Variants in IGSF21 observed in about 807,000 individuals in gnomAD.
IGSF21 encodes immunoglobulin superfamily member 21.
In IGSF21, 28 loss-of-function variants were observed where a neutral mutation model predicts 46.8. The ratio of observed to expected loss-of-function variants is 0.60; its 90% CI spans 0.44 to 0.82. IGSF21 has a LOEUF of 0.82. Among genes scored for constraint, IGSF21 ranks in the 40% least tolerant of loss-of-function variants. IGSF21 has a pLI of 0.00. For synonymous variants in IGSF21, 284 were observed against 273.6 expected (o/e 1.04, Z -0.38); for missense variants, 624 against 665.5 (o/e 0.94, Z 0.69).
intron 2 of IGSF21, among the ~76,000 whole-genome samples, chr1:18,248,627 A>G (rs1291325687): frequency 6.6e-6 from 1 of 152,112 alleles, no homozygotes; most frequent in African/African-American, 2.4e-5. Context: ...TGATAAGATA[A>G]TATCTGACAA....
intron 2 of IGSF21, among the ~76,000 whole-genome samples, chr1:18,258,968 T>C (rs2084916280): frequency 6.6e-6 from 1 of 152,210 alleles, no homozygotes; most frequent in Non-Finnish European, 1.5e-5. Flanking sequence ...AGGAGCCAGG[T>C]CCAGCCCTTT....
chr1:18,293,459 TG>T (rs1281994693), intron 3 of IGSF21, among the ~76,000 whole-genome samples: 1 of 152,170 alleles, frequency 6.6e-6, no homozygotes. Context: ...TCGTCCTCTC[TG>T]GGCTCTGTGC....
At position 18,352,403 on chromosome 1, in the gene IGSF21, G is replaced by A. The variant is rs755637597; in HGVS notation, c.425-9712G>A. Among the ~76,000 whole-genome samples, 11 of 152,216 alleles carry A rather than the reference G, an allele frequency of 7.2e-5. 1 individual carries two copies. Among genetic ancestry groups the A allele is most frequent in the South Asian group, 4.2e-4 (2 of 4,806 alleles). Reference sequence around the variant, plus strand: ...GTTAAAACTCAGGGTGGGGACTGCCGGACCCCACCCCATCCCAGGTTGGGC... The same window carrying A: ...GTTAAAACTCAGGGTGGGGACTGCCAGACCCCACCCCATCCCAGGTTGGGC... On this transcript the variant is annotated intron_variant, in intron 4 of 9. Transcript: ENST00000251296.
At chr1:18,259,966 G>A (rs1298966239) in intron 2 of IGSF21, among the ~76,000 whole-genome samples, 1 of 152,240 alleles carries the variant, frequency 6.6e-6, no homozygotes, top group African/African-American at 2.4e-5. Flanking sequence ...CTTGCTAGAT[G>A]TGTGGCATTT....
At chr1:18,210,421 T>A (rs1435955406) in intron 1 of IGSF21, among the ~76,000 whole-genome samples, 1 of 152,206 alleles carries the variant, frequency 6.6e-6, no homozygotes, top group African/African-American at 2.4e-5. Flanking sequence ...TGAGTGGATC[T>A]AGTTTAGTGG....
At chr1:18,234,345 A>C (rs1222277731) in intron 2 of IGSF21, among the ~76,000 whole-genome samples, 1 of 152,184 alleles carries the variant, frequency 6.6e-6, no homozygotes, top group Non-Finnish European at 1.5e-5. Context: ...TTATCATATC[A>C]GTCACATGGG....
At chr1:18,197,189 C>G (rs1383535281) in intron 1 of IGSF21, among the ~76,000 whole-genome samples, 5 of 152,182 alleles carry the variant, frequency 3.3e-5, no homozygotes, top group Admixed American at 2.0e-4. Context: ...TTGCTAAAGC[C>G]ACTCCTGTCC....
intron 3 of IGSF21, among the ~76,000 whole-genome samples, chr1:18,316,906 A>G (rs1180028093): frequency 2.0e-5 from 3 of 152,208 alleles, no homozygotes; most frequent in Non-Finnish European, 4.4e-5. Context: ...TTGAACACCA[A>G]TCCATGCCTA....
intron 1 of IGSF21, among the ~76,000 whole-genome samples, chr1:18,179,826 G>C (rs2086839448): frequency 6.6e-6 from 1 of 152,160 alleles, no homozygotes; most frequent in South Asian, 2.1e-4. Flanking sequence ...CAATTTCTAT[G>C]AATAACAAAA....
chr1:18,316,786 A>T (rs1408866820), intron 3 of IGSF21, among the ~76,000 whole-genome samples: 2 of 152,244 alleles, frequency 1.3e-5, no homozygotes, highest in African/African-American at 2.4e-5. Flanking sequence ...CCTCATAGGC[A>T]GCACAGGGTT....
At chr1:18,359,462 GGGAAGGAAGGAAGGAAGGAAGGAAGGAA>G (rs200525577) in intron 4 of IGSF21, among the ~76,000 whole-genome samples, 1 of 74,834 alleles carries the variant, frequency 1.3e-5, no homozygotes, top group Non-Finnish European at 2.8e-5. Flanking sequence ...AAGAAAGAAA[GGGAAGGAAGGAAGGAAGGAAGGAAGGAA>G]GGAAGGAAGG....
intron 1 of IGSF21, among the ~76,000 whole-genome samples, chr1:18,120,209 G>A (rs1044720996): frequency 6.6e-6 from 1 of 152,226 alleles, no homozygotes; most frequent in African/African-American, 2.4e-5. Context: ...AGAAGAGTGG[G>A]GCACTTTCTA....
intron 1 of IGSF21, among the ~76,000 whole-genome samples, chr1:18,156,506 C>A (rs1212282054): frequency 1.3e-5 from 2 of 152,208 alleles, no homozygotes; most frequent in Non-Finnish European, 2.9e-5. Context: ...TTCCAGAAAG[C>A]AACAACAAAG....
chr1:18,299,475 C>T (rs561585748), intron 3 of IGSF21, among the ~76,000 whole-genome samples: 3 of 152,294 alleles, frequency 2.0e-5, no homozygotes, highest in South Asian at 2.1e-4. Flanking sequence ...CTCCAGCTCC[C>T]TTCTCCCTCT....
intron 2 of IGSF21, among the ~76,000 whole-genome samples, chr1:18,252,443 T>C (rs1444430747): frequency 6.6e-6 from 1 of 152,118 alleles, no homozygotes; most frequent in East Asian, 1.9e-4. Context: ...TTTTAACAGG[T>C]AGAAAGAGTG....
intron 2 of IGSF21, among the ~76,000 whole-genome samples, chr1:18,245,396 C>A (rs144951439): frequency 6.6e-6 from 1 of 152,102 alleles, no homozygotes; most frequent in Non-Finnish European, 1.5e-5. Context: ...TTTCTTTAAA[C>A]AAATAGCTTG....
intron 2 of IGSF21, among the ~76,000 whole-genome samples, chr1:18,242,296 C>T (rs762491958): frequency 2.6e-5 from 4 of 152,172 alleles, no homozygotes; most frequent in Admixed American, 6.5e-5. Flanking sequence ...CCTGCATGCC[C>T]CTCCCAAGCT....
At chr1:18,333,527 G>A (rs2085735891) in intron 3 of IGSF21, among the ~76,000 whole-genome samples, 1 of 152,186 alleles carries the variant, frequency 6.6e-6, no homozygotes. Flanking sequence ...AATCTTCACT[G>A]CAGTCACAGG....
At chr1:18,273,462 CTCTTTCTT>C (rs200010749) in intron 2 of IGSF21, among the ~76,000 whole-genome samples, 11,085 of 61,918 alleles carry the variant, frequency 0.18, 1,705 homozygotes, top group Non-Finnish European at 0.22. Context: ...TTCTTTCTCT[CTCTTTCTT>C]TCTTTCTTTC....
Sources: allele counts gnomAD v4.1 joint callset (sites outside exome capture counted in the v4.1 genomes callset), GRCh38; gene constraint gnomAD v4.1.1; transcripts MANE v1.5; gene names NCBI Gene and HGNC (gene_info 2026-07-23, HGNC 2026-07-21).